MTMR9: variants seen among roughly 807,000 people sequenced by gnomAD.
MTMR9 encodes the protein myotubularin-related protein 9.
Under a neutral mutation model 69.5 loss-of-function variants are expected in MTMR9, and 39 were observed. The ratio of observed to expected loss-of-function variants is 0.56; its 90% CI spans 0.43 to 0.73. The LOEUF (loss-of-function observed/expected upper bound fraction) is 0.73. Among genes scored for constraint, MTMR9 ranks in the 30% least tolerant of loss-of-function variants. The probability of loss-of-function intolerance (pLI) is 0.00; values close to 1 mark genes in which losing one functional copy is unlikely to be tolerated. For synonymous variants in MTMR9, 354 were observed against 240.8 expected (o/e 1.47, Z -4.35); for missense variants, 900 against 671.2 (o/e 1.34, Z -3.77).
intron 1 of MTMR9, among the ~76,000 whole-genome samples, chr8:11,293,727 T>A (rs1799448403): frequency 6.6e-6 from 1 of 152,108 alleles, no homozygotes; most frequent in Admixed American, 6.5e-5. Flanking sequence ...TGAGTTAGTT[T>A]TTGTATATGG....
At chr8:11,331,433 G>A, downstream of MTMR9, 6 of 1,614,012 alleles carry the variant, frequency 3.7e-6, no homozygotes, top group Non-Finnish European at 5.1e-6. Flanking sequence ...TCTGTGCCCT[G>A]CTCAACGTCC....
At chr8:11,307,586 T>C (rs955712423) in intron 5 of MTMR9, among the ~76,000 whole-genome samples, 1 of 152,226 alleles carries the variant, frequency 6.6e-6, no homozygotes, top group South Asian at 2.1e-4. Flanking sequence ...CTGGATCTTA[T>C]TGCAGTTTCA....
intron 5 of MTMR9, 75 bp from the exon 6 acceptor site, chr8:11,309,452 G>T: frequency 7.7e-7 from 1 of 1,302,892 alleles, no homozygotes. Flanking sequence ...TATGTTGGAG[G>T]CTGAATCTTT....
downstream of MTMR9, among the ~76,000 whole-genome samples, chr8:11,328,587 T>G (rs1013060807): frequency 6.6e-6 from 1 of 152,084 alleles, no homozygotes; most frequent in African/African-American, 2.4e-5. Flanking sequence ...AGAAAGAAAA[T>G]GGAATTAAAA....
chr8:11,305,018 A>G lies in MTMR9; in HGVS notation c.591+4A>G, dbSNP rs762375478. ...TTACCACAAAAAAAATGGGATGGTA[A>G]GTGCACAGCACTACTGCTTGATGTA... On this transcript the variant is annotated splice_donor_region_variant and intron_variant, in intron 4 of 9. Transcript: ENST00000221086. The G allele has an allele frequency of 4.0e-5, 64 of 1,613,668 alleles. No homozygotes were observed. The highest frequency in any genetic ancestry group is 5.3e-5 in the Non-Finnish European group (62 of 1,179,716).
Position 11,319,581 on chromosome 8 carries a change from A to G in MTMR9, c.1335-106A>G, listed in dbSNP as rs1177915778. 3.3e-5 allele frequency: 40 copies of G among 1,198,746 alleles called. No individual in the cohort carries two copies. The East Asian group carries it at 8.7e-4, about 26-fold the overall frequency. 74.3% of individuals were successfully genotyped at this position (1,198,746 alleles called of 1,614,324 possible). A position where few individuals can be genotyped will look rare whatever the true frequency, so the allele number is the denominator to read the frequency against. ...TTTGTTTCTCTACCAAAAGTCTTGT[A>G]TTCTATCTTCTTTCATACTGAGAAG... is the stretch of plus-strand genomic sequence containing the variant. On this transcript the variant is annotated intron_variant, in intron 8 of 9. Coordinates refer to ENST00000221086, the MANE Select transcript of MTMR9 (RefSeq NM_015458.4).
chr8:11,321,471 G>A (rs192294849), intron 9 of MTMR9: 133 of 456,586 alleles, frequency 2.9e-4, no homozygotes, highest in Non-Finnish European at 7.5e-5. Context: ...CCTGAAGGAT[G>A]ATTTAATTGC....
At chr8:11,314,518 G>A (rs1183689111) in intron 6 of MTMR9, among the ~76,000 whole-genome samples, 2 of 152,162 alleles carry the variant, frequency 1.3e-5, no homozygotes, top group African/African-American at 2.4e-5. Context: ...AATAATTTTA[G>A]TGTATGTCTA....
At chr8:11,298,676 C>T in intron 2 of MTMR9, 1 of 781,832 alleles carries the variant, frequency 1.3e-6, no homozygotes, top group Non-Finnish European at 1.5e-6. Flanking sequence ...ATCATTCCTG[C>T]AGTTTGAATT....
intron 1 of MTMR9, among the ~76,000 whole-genome samples, chr8:11,287,759 A>G (rs1799217944): frequency 8.0e-6 from 1 of 125,720 alleles, no homozygotes; most frequent in South Asian, 2.2e-4. Flanking sequence ...TATATTTATT[A>G]TTTATTTATT....
chr8:11,332,567 T>C (rs902330948), downstream of MTMR9, among the ~76,000 whole-genome samples: 1 of 151,678 alleles, frequency 6.6e-6, no homozygotes, highest in Admixed American at 6.6e-5. Context: ...AGAAATTCAC[T>C]AGAAGGGTTC....
At chr8:11,297,454 T>A (rs1046060185) in intron 2 of MTMR9, among the ~76,000 whole-genome samples, 6 of 152,210 alleles carry the variant, frequency 3.9e-5, no homozygotes, top group South Asian at 2.1e-4. Flanking sequence ...ATTGAAATAA[T>A]GTCCCACTAT....
intron 7 of MTMR9, chr8:11,316,264 A>G (rs1800410382): frequency 1.3e-5 from 2 of 153,942 alleles, no homozygotes; most frequent in Non-Finnish European, 2.9e-5. Flanking sequence ...TGTTTAGTGT[A>G]CAGCACAATC....
intron 1 of MTMR9, among the ~76,000 whole-genome samples, chr8:11,294,555 G>T (rs1799481302): frequency 7.4e-6 from 1 of 136,022 alleles, no homozygotes; most frequent in African/African-American, 3.1e-5. Context: ...AGGCTGGAGT[G>T]CAGTGGCTCA....
chr8:11,308,145 G>T (rs568852986), intron 5 of MTMR9, among the ~76,000 whole-genome samples: 1 of 152,208 alleles, frequency 6.6e-6, no homozygotes, highest in Admixed American at 6.5e-5. Flanking sequence ...TTTTCCTTAT[G>T]TTTTCCTCTA....
chr8:11,319,666 G>A lies in MTMR9; in HGVS notation c.1335-21G>A, dbSNP rs373234708. ...TTGTTATAAATTAATTACTTTAATG[G>A]CAGTGTTCTTTCTTGATCAGATGTA... On this transcript the variant is annotated intron_variant, in intron 8 of 9. Coordinates refer to ENST00000221086, the MANE Select transcript of MTMR9 (RefSeq NM_015458.4). 1.7e-5 allele frequency: 28 copies of A among 1,611,818 alleles called. 1 individual carries two copies. The East Asian group carries it at 2.0e-4, about 12-fold the overall frequency.
rs1269354549 is a variant in MTMR9, at chr8:11,327,662, A to G, written c.*4874A>G. ...CGGGTATTTGGATTGTTCTCTTGAT[A>G]ATATTTGAATGTGACTCTTGGATTT... On this transcript the variant is annotated 3_prime_UTR_variant, in exon 10 of 10. Coordinates refer to ENST00000221086, the MANE Select transcript of MTMR9 (RefSeq NM_015458.4). 6.6e-6 allele frequency: 1 copy of G among 152,640 alleles called. No individual in the cohort carries two copies. The highest frequency in any genetic ancestry group is 1.5e-5 in the Non-Finnish European group (1 of 68,036). The allele number at this position is 152,640 out of a possible 1,614,324, so 9.5% of individuals were successfully genotyped here. A position where few individuals can be genotyped will look rare whatever the true frequency, so the allele number is the denominator to read the frequency against.
At chr8:11,337,885 C>A in the MTMR9 span, among the ~76,000 whole-genome samples, 1 of 152,170 alleles carries the variant, frequency 6.6e-6, no homozygotes, top group Non-Finnish European at 1.5e-5. Context: ...TACCTGTCCT[C>A]CTAGGATTTA....
At position 11,288,964 on chromosome 8, in the gene MTMR9, G is replaced by C. The variant is rs1799285624; in HGVS notation, c.182+3894G>C. On this transcript the variant is annotated intron_variant, in intron 1 of 9. Transcript: ENST00000221086. Reference sequence around the variant, plus strand: ...GAGGCGGGCAGATCACCTGAGGTCAGGAGTTCGACACAGCCTGGCCAGTAT... The same window carrying C: ...GAGGCGGGCAGATCACCTGAGGTCACGAGTTCGACACAGCCTGGCCAGTAT... 2.6e-5 allele frequency among the ~76,000 whole-genome samples: 4 copies of C among 152,294 alleles called. No homozygotes were observed. The South Asian group carries it at 8.3e-4, about 32-fold the overall frequency.
Sources: gnomAD v4.1 joint callset for allele counts (sites outside exome capture counted in the v4.1 genomes callset) on GRCh38, gnomAD v4.1.1 for gene constraint, MANE v1.5 for transcripts, NCBI Gene and HGNC (gene_info 2026-07-23, HGNC 2026-07-21) for gene names.